Variants in ABCA7 observed in about 807,000 individuals in gnomAD.
ABCA7 encodes phospholipid-transporting ATPase ABCA7.
ABCA7 carries 261 observed loss-of-function variants against 227.6 expected under a neutral mutation model. The ratio of observed to expected loss-of-function variants is 1.15; its 90% CI spans 1.04 to 1.27. The LOEUF is 1.27. Among genes scored for constraint, ABCA7 ranks in the 50% most tolerant of loss-of-function variants. The probability of loss-of-function intolerance (pLI) is 0.00; values close to 1 mark genes in which losing one functional copy is unlikely to be tolerated. For synonymous variants in ABCA7, 1,488 were observed against 1,279.7 expected, an observed-to-expected ratio of 1.16 and a Z score of -3.47; for missense variants, 3,331 against 2,924.5, an observed-to-expected ratio of 1.14 and a Z score of -3.21.
rs758371487 is a variant in ABCA7 at position 1,055,217 on chromosome 19, C to T, written c.4071C>T (p.Pro1357=). 7.0e-5 allele frequency: 113 copies of T among 1,608,390 alleles called. No homozygotes were observed. In the Admixed American group the frequency reaches 9.6e-4, roughly 14 times the overall value. ...GGCCCGGTGCCCGGCGCCTGCTGCC[C>T]GACTGCCCGGCTGCAGCTGGTGGTC... ...CSRPGARRLL[P]DCPAAAGGPP... Residue 1357 remains proline (P), a synonymous_variant, in exon 30 of 47, where the codon CCC becomes CCT. Transcript: ENST00000263094.
chr19:1,048,939 A>G lies in ABCA7; in HGVS notation c.2314A>G (p.Ser772Gly), dbSNP rs1007734117. 7 of 1,609,090 alleles carry G rather than the reference A, an allele frequency of 4.4e-6. No individual in the cohort carries two copies. The African/African-American group carries it at 9.4e-5, about 22-fold the overall frequency. The change falls in exon 17 of 47, where the codon AGC becomes GGC. Residue 772 changes from serine (S) to glycine (G), a missense_variant. Physicochemically the swap from Ser to Gly is moderately conservative, Grantham distance 56. Coordinates refer to ENST00000263094, the MANE Select transcript of ABCA7 (RefSeq NM_019112.4). ...PEPWNFPFRR[S>G]YWCGPRPPKS... ...ACCATGGAATTTTCCTTTTCGGAGG[A>G]GCTACTGGTGCGGACCTCGGCCCCC...
chr19:1,043,013 C>A (rs1270209720), intron 7 of ABCA7, 28 bp from the exon 8 acceptor site: 3 of 1,574,000 alleles, frequency 1.9e-6, no homozygotes, highest in East Asian at 2.3e-5. Flanking sequence ...GGGATCATTG[C>A]CAGCTCCGTC....
In ABCA7 at chr19:1,050,954, T is replaced by C. The variant is rs1017535287; in HGVS notation, c.2586T>C (p.Gly862=). 6.2e-7 allele frequency: 1 copy of C among 1,611,608 alleles called. No individual in the cohort carries two copies. Among genetic ancestry groups the C allele is most frequent in the Non-Finnish European group, 8.5e-7 (1 of 1,179,284 alleles). The part of the protein sequence containing the change: ...SILSGLFPPS[G]GSAFILGHDV... ...TGAGTGGCCTCTTCCCACCCAGTGG[T>C]GGCTCTGCCTTCATCCTGGGCCACG... is the stretch of plus-strand genomic sequence containing the variant. The change falls in exon 19 of 47, where the codon GGT becomes GGC. Residue 862 remains glycine, a synonymous_variant. Coordinates refer to ENST00000263094, the MANE Select transcript of ABCA7 (RefSeq NM_019112.4).
At chr19:1,057,881 G>C (rs561272903) in intron 35 of ABCA7, 34 bp from the exon 36 acceptor site, 1 of 1,612,468 alleles carries the variant, frequency 6.2e-7, no homozygotes, top group Non-Finnish European at 8.5e-7. Flanking sequence ...CTCAGTCTGA[G>C]TGGTTACTCC....
rs1201411950 is a variant in ABCA7, at chr19:1,042,798, T to A, written c.551T>A (p.Leu184Ter). ...GQAQEPLHSL[L>*]EAAEDLAQEL... ...GCCCAGGAGCCCTTGCACAGCTTGT[T>A]GGAGGCCGCTGAGGACCTGGCCCAG... The change falls in exon 7 of 47, where the codon TTG (leucine) becomes TAG (stop). Residue 184 changes from leucine to a stop codon, truncating the protein, a stop_gained. Transcript: ENST00000263094. LOFTEE classifies it high-confidence loss of function. The A allele has an allele frequency of 6.2e-7, 1 of 1,611,804 alleles. No homozygotes were observed. The highest frequency in any genetic ancestry group is 1.1e-5 in the South Asian group (1 of 91,020).
chr19:1,058,027 GC>G lies in ABCA7; in HGVS notation c.4995del (p.Thr1666ProfsTer15), dbSNP rs749238024. 3.7e-6 allele frequency: 6 copies of G among 1,613,976 alleles called. No homozygotes were observed. In the African/African-American group the frequency reaches 8.0e-5, roughly 22 times the overall value. ...CTTTATTGGCATCAATGGAAGCATGGCCACCTTTGTGCTTGAGCTCTTCTCT... is the reference window on the plus strand; with the variant it reads ...CTTTATTGGCATCAATGGAAGCATGGCACCTTTGTGCTTGAGCTCTTCTCT... ...NLFIGINGSM[A>X]TFVLELFSDQ... On this transcript the variant is annotated frameshift_variant, in exon 36 of 47. Coordinates refer to ENST00000263094, the MANE Select transcript of ABCA7 (RefSeq NM_019112.4). LOFTEE classifies it high-confidence loss of function.
rs374685223 is a variant in ABCA7 at position 1,051,044 on chromosome 19, G to A, written c.2676G>A (p.Leu892=). ...GCGTCTGTCCTCAGTACAACGTGCT[G>A]TTTGACATGTGCGTCTCGGCAGGCC... ...HLGVCPQYNV[L]FDMLTVDEHV... The change falls in exon 19 of 47, where the codon CTG becomes CTA. Residue 892 remains leucine, a synonymous_variant. Transcript: ENST00000263094. 1.2e-6 allele frequency: 2 copies of A among 1,611,324 alleles called. No homozygotes were observed. The highest frequency in any genetic ancestry group is 2.7e-5 in the African/African-American group (2 of 74,886).
chr19:1,042,209 A>T, intron 5 of ABCA7, 33 bp downstream of exon 5: 1 of 1,594,580 alleles, frequency 6.3e-7, no homozygotes, highest in Non-Finnish European at 8.5e-7. Flanking sequence ...GGCAGGGCTG[A>T]GCTCTGAGCC....
intron 1 of ABCA7, among the ~76,000 whole-genome samples, chr19:1,040,919 A>C (rs1221202555): frequency 6.6e-6 from 1 of 152,066 alleles, no homozygotes; most frequent in Non-Finnish European, 1.5e-5. Flanking sequence ...TTCGGAGAAC[A>C]GTGAGGGGAA....
intron 9 of ABCA7, 63 bp from the exon 10 acceptor site, chr19:1,043,662 A>C: frequency 1.4e-6 from 2 of 1,396,194 alleles, no homozygotes; most frequent in Non-Finnish European, 2.0e-6. Flanking sequence ...CAGAGGGGGC[A>C]GGGGGTGGGC....
chr19:1,049,185 A>G (rs920835816), intron 17 of ABCA7, 81 bp from the exon 18 acceptor site: 65 of 1,479,746 alleles, frequency 4.4e-5, no homozygotes, highest in Non-Finnish European at 1.4e-5. Flanking sequence ...CAGGTCCCGG[A>G]TTCCACAGCC....
chr19:1,041,308 T>G lies in ABCA7; in HGVS notation c.-54T>G. On this transcript the variant is annotated 5_prime_UTR_variant, in exon 2 of 47. Coordinates refer to ENST00000263094, the MANE Select transcript of ABCA7 (RefSeq NM_019112.4). Reference sequence around the variant, plus strand: ...GTTGCCCGCAGCCGCACCGCACGTCTTCAGCCCGACCGTTGTCCTGACCTC... The same window carrying G: ...GTTGCCCGCAGCCGCACCGCACGTCGTCAGCCCGACCGTTGTCCTGACCTC... 1 of 1,593,958 alleles carries G rather than the reference T, an allele frequency of 6.3e-7. No individual in the cohort carries two copies. Among genetic ancestry groups the G allele is most frequent in the South Asian group, 1.1e-5 (1 of 90,674 alleles).
intron 20 of ABCA7, 75 bp from the exon 21 acceptor site, chr19:1,051,373 CT>C: frequency 1.4e-6 from 1 of 714,290 alleles, no homozygotes; most frequent in Non-Finnish European, 2.0e-6. Flanking sequence ...AAGCCGGGTA[CT>C]GAGGTCCACG....
chr19:1,042,022 T>C (rs1199012447), intron 4 of ABCA7, 42 bp from the exon 5 acceptor site: 8 of 1,582,738 alleles, frequency 5.1e-6, no homozygotes, highest in Non-Finnish European at 6.8e-6. Context: ...GGGGCTGCAG[T>C]GCCGGCCGGA....
intron 17 of ABCA7, 121 bp from the exon 18 acceptor site, chr19:1,049,145 C>A: frequency 1.7e-6 from 2 of 1,211,052 alleles, no homozygotes; most frequent in Non-Finnish European, 2.3e-6. Context: ...GGTCCCCAAG[C>A]TCCCGCAGCT....
intron 12 of ABCA7, 137 bp from the exon 13 acceptor site, chr19:1,046,093 C>A: frequency 1.0e-6 from 1 of 982,500 alleles, no homozygotes; most frequent in Non-Finnish European, 1.5e-6. Flanking sequence ...GTCAAGGCTG[C>A]AGTGAGCTAT....
rs150419414 is a variant in ABCA7 at position 1,046,405 on chromosome 19, G to A, written c.1621G>A (p.Val541Met). 4.8e-4 allele frequency: 745 copies of A among 1,544,284 alleles called. 4 individuals carry two copies. In the African/African-American group the frequency reaches 7.5e-3, roughly 16 times the overall value. Residue 541 changes from valine to methionine, a missense_variant and splice_region_variant, in exon 13 of 47, where the codon GTG becomes ATG. Transcript: ENST00000263094. ...GCCCTATCCGTGCTATGTGGACGAC[G>A]TGTGAGCTCTGGCACCCCTCCCCGC... is the stretch of plus-strand genomic sequence containing the variant. ...QMPYPCYVDD[V>M]FLRVLSRSLP... is the part of the protein sequence containing the mutation.
chr19:1,041,899 G>A lies in ABCA7; in HGVS notation c.229G>A (p.Val77Met), dbSNP rs1182473367. ...CTGGCTCCAGGGTCTCATCTGTAAT[G>A]TGAACAACACCTGCTTTCCGCAGCT... ...VPWLQGLICN[V>M]NNTCFPQLTP... is the part of the protein sequence containing the mutation. Residue 77 changes from valine to methionine, a missense_variant, in exon 4 of 47, where the codon GTG becomes ATG. Physicochemically the swap from Val to Met is conservative, Grantham distance 21 (BLOSUM62 1). Coordinates refer to ENST00000263094, the MANE Select transcript of ABCA7 (RefSeq NM_019112.4). 1.9e-6 allele frequency: 3 copies of A among 1,602,250 alleles called. No individual in the cohort carries two copies. The highest frequency in any genetic ancestry group is 2.5e-6 in the Non-Finnish European group (3 of 1,179,050).
Position 1,046,862 on chromosome 19 carries a change from C to T in ABCA7, c.1683C>T (p.Ser561=), listed in dbSNP as rs1367983812. ...TCCTGACGCTGGCCTGGATCTACTC[C>T]GTGACACTGACAGTGAAGGCCGTGG... is the stretch of plus-strand genomic sequence containing the variant. ...PLFLTLAWIY[S]VTLTVKAVVR... is the part of the protein sequence containing the mutation. Residue 561 remains serine, a synonymous_variant, in exon 14 of 47, where the codon TCC becomes TCT. Transcript: ENST00000263094. 2 of 1,543,896 alleles carry T rather than the reference C, an allele frequency of 1.3e-6. No individual in the cohort carries two copies. Among genetic ancestry groups the T allele is most frequent in the Admixed American group, 2.0e-5 (1 of 51,202 alleles).
Sources: allele counts gnomAD v4.1 joint callset (sites outside exome capture counted in the v4.1 genomes callset), GRCh38; gene constraint gnomAD v4.1.1; transcripts MANE v1.5; gene names NCBI Gene and HGNC (gene_info 2026-07-23, HGNC 2026-07-21).